Variants in MCF2L2 observed in about 807,000 individuals in gnomAD.
MCF2L2 encodes the protein probable guanine nucleotide exchange factor MCF2L2.
In MCF2L2, 102 loss-of-function variants were observed where a neutral mutation model predicts 150.2. That is an observed-to-expected ratio of 0.68 (90% confidence interval 0.58 to 0.80). MCF2L2 has a LOEUF of 0.80. MCF2L2 is among the 30% of genes least tolerant of loss of function. The pLI is 0.00. For missense variants in MCF2L2, 1,256 were observed against 1,372.8 expected, an observed-to-expected ratio of 0.91 and a Z score of 1.34; for synonymous variants, 465 against 491.3, an observed-to-expected ratio of 0.95 and a Z score of 0.71.
chr3:183,306,772 T>C (rs1729119514), intron 10 of MCF2L2, among the ~76,000 whole-genome samples: 1 of 152,152 alleles, frequency 6.6e-6, no homozygotes, highest in Non-Finnish European at 1.5e-5. Context: ...GCCATGACCC[T>C]CCAACAAGAT....
chr3:183,332,805 T>A (rs1273662462), intron 5 of MCF2L2, among the ~76,000 whole-genome samples: 1 of 152,174 alleles, frequency 6.6e-6, no homozygotes, highest in Non-Finnish European at 1.5e-5. Context: ...GGCCTCACAT[T>A]TTCCTTAAAC....
intron 3 of MCF2L2, among the ~76,000 whole-genome samples, chr3:183,365,241 A>G (rs1206819865): frequency 6.6e-6 from 1 of 152,240 alleles, no homozygotes; most frequent in Non-Finnish European, 1.5e-5. Context: ...TGATTTTAAC[A>G]CCAGAAAAAT....
chr3:183,375,007 A>G (rs1713115312), intron 3 of MCF2L2: 1 of 152,278 alleles, frequency 6.6e-6, no homozygotes, highest in Non-Finnish European at 1.5e-5. Flanking sequence ...TTGAGAAAAC[A>G]GCCTAAGGAT....
In MCF2L2 at chr3:183,270,590, A is replaced by T; in HGVS notation, c.1862+6282T>A. On this transcript the variant is annotated intron_variant, in intron 15 of 29. Coordinates refer to ENST00000328913, the MANE Select transcript of MCF2L2 (RefSeq NM_015078.4). This position sits in a 1 kb window ranked among gnomAD's most constrained non-coding sequence, Gnocchi z 4.5. ...CTGCCTATGTAATCTCCGGTGATGTAGCTGCCAAAGTCTATGAGGCATCAC... is the reference window on the plus strand; with the variant it reads ...CTGCCTATGTAATCTCCGGTGATGTTGCTGCCAAAGTCTATGAGGCATCAC... The T allele has an allele frequency of 6.2e-7, 1 of 1,614,218 alleles. No homozygotes were observed. Among genetic ancestry groups the T allele is most frequent in the Non-Finnish European group, 8.5e-7 (1 of 1,180,048 alleles).
At chr3:183,347,125 G>A (rs963559030) in intron 3 of MCF2L2, among the ~76,000 whole-genome samples, 1 of 152,154 alleles carries the variant, frequency 6.6e-6, no homozygotes, top group East Asian at 1.9e-4. Flanking sequence ...AAACAAAGCT[G>A]AAGGCATCAT....
chr3:183,349,774 T>A (rs1487946333), intron 3 of MCF2L2, among the ~76,000 whole-genome samples: 1 of 152,228 alleles, frequency 6.6e-6, no homozygotes, highest in Non-Finnish European at 1.5e-5. Flanking sequence ...ATACTGATGC[T>A]CTTCACCCTA....
At chr3:183,225,638 T>G (rs555980008) in intron 18 of MCF2L2, 1 of 152,350 alleles carries the variant, frequency 6.6e-6, no homozygotes, top group Non-Finnish European at 1.5e-5. Context: ...TGGCCTAAAG[T>G]AAGTTACCTA....
chr3:183,252,659 T>C (rs139840549), intron 15 of MCF2L2, among the ~76,000 whole-genome samples: 1 of 152,334 alleles, frequency 6.6e-6, no homozygotes, highest in Admixed American at 6.5e-5. Context: ...CTGGCCCCAC[T>C]GTTTTAAACC....
At chr3:183,349,719 C>A (rs1445595933) in intron 3 of MCF2L2, among the ~76,000 whole-genome samples, 6 of 152,188 alleles carry the variant, frequency 3.9e-5, no homozygotes, top group African/African-American at 1.4e-4. Flanking sequence ...GAATAACTTG[C>A]CTGATATCAC....
chr3:183,262,648 G>A (rs1319077295), intron 15 of MCF2L2, among the ~76,000 whole-genome samples: 1 of 151,616 alleles, frequency 6.6e-6, no homozygotes, highest in Non-Finnish European at 1.5e-5. Flanking sequence ...AGAAGGGGAG[G>A]AGGAGCTGAT....
intron 1 of MCF2L2, among the ~76,000 whole-genome samples, chr3:183,397,222 G>T (rs1714515763): frequency 6.6e-6 from 1 of 152,184 alleles, no homozygotes; most frequent in Non-Finnish European, 1.5e-5. Flanking sequence ...TACAAATGTA[G>T]AAATTTATTT....
chr3:183,294,496 C>T (rs56212032), intron 13 of MCF2L2, among the ~76,000 whole-genome samples: 3,221 of 147,232 alleles, frequency 0.022, 104 homozygotes, highest in South Asian at 0.076. Context: ...GGATTACAGG[C>T]GCCCGCCACC....
At chr3:183,317,910 T>G (rs760768994) in intron 7 of MCF2L2, among the ~76,000 whole-genome samples, 158 bp downstream of exon 7, 6 of 151,480 alleles carry the variant, frequency 4.0e-5, no homozygotes, top group Non-Finnish European at 8.8e-5. Flanking sequence ...CATTACAAAC[T>G]GCCTGTCTGG....
intron 5 of MCF2L2, among the ~76,000 whole-genome samples, chr3:183,335,842 CAG>C (rs1730457014): frequency 6.6e-6 from 1 of 152,166 alleles, no homozygotes; most frequent in African/African-American, 2.4e-5. Context: ...GCCTGGGTGA[CAG>C]AGAGAGACCC....
At chr3:183,302,808 C>T (rs541248145) in intron 10 of MCF2L2, among the ~76,000 whole-genome samples, 63 of 142,114 alleles carry the variant, frequency 4.4e-4, no homozygotes, top group African/African-American at 1.1e-3. Flanking sequence ...ACAACCTATT[C>T]GCCCAGTCAC....
intron 10 of MCF2L2, among the ~76,000 whole-genome samples, chr3:183,303,833 G>A (rs899355806): frequency 6.6e-6 from 1 of 152,064 alleles, no homozygotes. Context: ...GGCGCCCAGG[G>A]TCTTCAGGAG....
At chr3:183,418,105 T>G (rs1347335415) in intron 1 of MCF2L2, among the ~76,000 whole-genome samples, 2 of 152,098 alleles carry the variant, frequency 1.3e-5, no homozygotes, top group African/African-American at 2.4e-5. Context: ...GAAGAATCAC[T>G]TGGACCCAGG....
intron 22 of MCF2L2, among the ~76,000 whole-genome samples, chr3:183,210,540 T>C (rs943881871): frequency 3.3e-5 from 5 of 152,256 alleles, no homozygotes; most frequent in African/African-American, 1.2e-4. Context: ...CCACGCCCTA[T>C]GATAGAAAGA....
chr3:183,206,971 A>AAGGAAGGGAGGGAGGG (rs1722512203), intron 23 of MCF2L2, among the ~76,000 whole-genome samples: 1 of 18,356 alleles, frequency 5.4e-5, no homozygotes, highest in Non-Finnish European at 1.3e-4. Flanking sequence ...GGAAGGAAGG[A>AAGGAAGGGAGGGAGGG]AGGGAGGGAG....
Sources: gnomAD v4.1 joint callset for allele counts (sites outside exome capture counted in the v4.1 genomes callset) on GRCh38, gnomAD v4.1.1 for gene constraint, Gnocchi (gnomAD v3.1) non-coding constraint, MANE v1.5 for transcripts, NCBI Gene and HGNC (gene_info 2026-07-23, HGNC 2026-07-21) for gene names.